The following LNX1 variants were observed in gnomAD, a reference collection of about 807,000 sequenced individuals.
The protein encoded by LNX1 is ligand of numb-protein X 1, also known as E3 ubiquitin-protein ligase LNX.
LNX1 carries 54 observed loss-of-function variants against 68.4 expected under a neutral mutation model. That is an observed-to-expected ratio of 0.79 (90% confidence interval 0.63 to 0.99). The LOEUF (loss-of-function observed/expected upper bound fraction) is 0.99. Among genes scored for constraint, LNX1 ranks in the 50% least tolerant of loss-of-function variants. The pLI, the probability that LNX1 is intolerant of heterozygous loss-of-function variation, is 0.00. For missense variants in LNX1, 906 were observed against 926.4 expected (o/e 0.98, Z 0.29); for synonymous variants, 336 against 350.0 (o/e 0.96, Z 0.45).
At chr4:53,497,735 G>A (rs1725169529) in intron 5 of LNX1, among the ~76,000 whole-genome samples, 1 of 152,198 alleles carries the variant, frequency 6.6e-6, no homozygotes, top group African/African-American at 2.4e-5. Context: ...ATTGTACTGC[G>A]GCCTGCCCCG....
At chr4:53,639,116 T>C (rs1734582872) in intron 1 of LNX1, among the ~76,000 whole-genome samples, 1 of 152,004 alleles carries the variant, frequency 6.6e-6, no homozygotes, top group Non-Finnish European at 1.5e-5. Flanking sequence ...ATAAAGAAAA[T>C]ATGGTACATA....
chr4:53,549,443 A>G (rs996241328), intron 2 of LNX1: 10 of 133,658 alleles, frequency 7.5e-5, no homozygotes, highest in Non-Finnish European at 1.6e-4. Flanking sequence ...AGAATGAAGA[A>G]CGGAGAAGAG....
chr4:53,643,158 T>G (rs1246228117), intron 1 of LNX1, among the ~76,000 whole-genome samples: 1 of 152,038 alleles, frequency 6.6e-6, no homozygotes, highest in Non-Finnish European at 1.5e-5. Flanking sequence ...GGTCTTTTTT[T>G]TTTCTTTTTT....
At chr4:53,507,528 T>C (rs1579433676) in intron 3 of LNX1, 59 bp from the exon 4 acceptor site, 2 of 1,543,796 alleles carry the variant, frequency 1.3e-6, no homozygotes, top group East Asian at 4.5e-5. Context: ...ATCATTTATG[T>C]ACATATCTGA....
chr4:53,645,451 AG>A (rs1167529535), intron 1 of LNX1, among the ~76,000 whole-genome samples: 1 of 152,218 alleles, frequency 6.6e-6, no homozygotes, highest in Non-Finnish European at 1.5e-5. Context: ...GGTCTATTCC[AG>A]AAAAGGGAAG....
intron 9 of LNX1, among the ~76,000 whole-genome samples, chr4:53,474,116 G>A (rs1038947447): frequency 7.9e-5 from 12 of 152,198 alleles, no homozygotes; most frequent in Non-Finnish European, 2.9e-5. Context: ...CCTGGCGCAT[G>A]GCTGTTTAGA....
At chr4:53,581,806 C>T (rs373498081) in intron 1 of LNX1, among the ~76,000 whole-genome samples, 21 of 152,238 alleles carry the variant, frequency 1.4e-4, no homozygotes, top group African/African-American at 5.1e-4. Context: ...AACCATATCA[C>T]GCATCTTGTT....
chr4:53,649,101 T>A (rs1734997770), intron 1 of LNX1, among the ~76,000 whole-genome samples: 1 of 152,158 alleles, frequency 6.6e-6, no homozygotes, highest in Non-Finnish European at 1.5e-5. Context: ...ATCCAAAAGG[T>A]TCTGATTTTA....
At chr4:53,651,678 A>G (rs1408449613) in intron 1 of LNX1, among the ~76,000 whole-genome samples, 3 of 152,226 alleles carry the variant, frequency 2.0e-5, no homozygotes, top group Admixed American at 6.5e-5. Flanking sequence ...ACCCGTGAGC[A>G]GGTCACAGCT....
chr4:53,498,988 G>T, intron 4 of LNX1, 145 bp from the exon 5 acceptor site: 1 of 671,242 alleles, frequency 1.5e-6, no homozygotes, highest in Non-Finnish European at 2.5e-6. Flanking sequence ...CTGTGTCAAT[G>T]TAAGTTTCTC....
At chr4:53,539,851 G>C (rs1728628271) in intron 2 of LNX1, among the ~76,000 whole-genome samples, 1 of 152,176 alleles carries the variant, frequency 6.6e-6, no homozygotes, top group South Asian at 2.1e-4. Flanking sequence ...AATCTGCTGA[G>C]GGAGTCAACC....
intron 6 of LNX1, among the ~76,000 whole-genome samples, chr4:53,495,338 T>A (rs772812839): frequency 6.6e-6 from 1 of 152,208 alleles, no homozygotes; most frequent in Non-Finnish European, 1.5e-5. Flanking sequence ...AGGTGCTTGA[T>A]GACATTATAC....
chr4:53,460,729 A>C lies in LNX1; in HGVS notation c.*178T>G, dbSNP rs2150539964. 1 of 593,874 alleles carries C rather than the reference A, an allele frequency of 1.7e-6. No individual in the cohort carries two copies. Among genetic ancestry groups the C allele is most frequent in the East Asian group, 3.3e-5 (1 of 30,580 alleles). 36.8% of individuals were successfully genotyped at this position (593,874 alleles called of 1,614,324 possible). On this transcript the variant is annotated 3_prime_UTR_variant, in exon 11 of 11. Coordinates refer to ENST00000263925, the MANE Select transcript of LNX1 (RefSeq NM_001126328.3). ...CACTGAAAAAAAACTAGTAGTTTTA[A>C]TTTTTTTGGAATCATATTTTCTGAG...
At chr4:53,606,651 A>C (rs886961352) in intron 2 of LNX1, among the ~76,000 whole-genome samples, 2 of 152,122 alleles carry the variant, frequency 1.3e-5, no homozygotes, top group Non-Finnish European at 2.9e-5. Flanking sequence ...GACATACAAT[A>C]AAAAAAGAAA....
chr4:53,476,133 C>T (rs6856301), intron 9 of LNX1, among the ~76,000 whole-genome samples: 18,992 of 151,956 alleles, frequency 0.12, 1,248 homozygotes, highest in East Asian at 0.16. Context: ...CCCGTCTCTA[C>T]TAGAAATACA....
intron 6 of LNX1, among the ~76,000 whole-genome samples, chr4:53,488,040 C>G (rs28404076): frequency 6.6e-6 from 1 of 151,968 alleles, no homozygotes; most frequent in Non-Finnish European, 1.5e-5. Flanking sequence ...GGCACTGGTT[C>G]CATAAAATTA....
chr4:53,522,670 A>G (rs1477911762), intron 2 of LNX1, among the ~76,000 whole-genome samples: 1 of 152,218 alleles, frequency 6.6e-6, no homozygotes, highest in Admixed American at 6.5e-5. Flanking sequence ...TACTTTTATT[A>G]GGATCAAATA....
Position 53,470,417 on chromosome 4 carries a change from T to G in LNX1, c.1892+6336A>C, listed in dbSNP as rs1029218822. ...GGGCAAAAACTGGAAGCATTCACTTTGAAAACTGGCACAAGACAGGGATGC... is the reference window on the plus strand; with the variant it reads ...GGGCAAAAACTGGAAGCATTCACTTGGAAAACTGGCACAAGACAGGGATGC... On this transcript the variant is annotated intron_variant, in intron 9 of 10. Transcript: ENST00000263925. Among the ~76,000 whole-genome samples the G allele has an allele frequency of 3.9e-5, 6 of 152,192 alleles. No individual in the cohort carries two copies. In the East Asian group the frequency reaches 1.2e-3, roughly 29 times the overall value.
intron 2 of LNX1, among the ~76,000 whole-genome samples, chr4:53,597,159 A>C (rs1009137132): frequency 6.6e-6 from 1 of 151,986 alleles, no homozygotes; most frequent in Non-Finnish European, 1.5e-5. Context: ...GAGTGCCTCT[A>C]CCTATGTATG....
Sources: allele counts gnomAD v4.1 joint callset (sites outside exome capture counted in the v4.1 genomes callset), GRCh38; gene constraint gnomAD v4.1.1; transcripts MANE v1.5; gene names NCBI Gene and HGNC (gene_info 2026-07-23, HGNC 2026-07-21).